The following SCFD2 variants were observed in gnomAD, a reference collection of about 807,000 sequenced individuals.
SCFD2 encodes sec1 family domain containing 2, also known as sec1 family domain-containing protein 2.
A neutral mutation model predicts 58.9 loss-of-function variants in SCFD2; 54 were observed. That is an observed-to-expected ratio of 0.92 (90% CI 0.74 to 1.15). The LOEUF is 1.15. SCFD2 is among the 50% of genes most tolerant of loss of function. The probability of loss-of-function intolerance (pLI) is 0.00; values close to 1 mark genes in which losing one functional copy is unlikely to be tolerated. For missense variants in SCFD2, 805 were observed against 836.6 expected, an observed-to-expected ratio of 0.96 and a Z score of 0.47; for synonymous variants, 321 against 335.9, an observed-to-expected ratio of 0.96 and a Z score of 0.49.
Position 52,873,774 on chromosome 4 carries a change from T to C in SCFD2, c.*195A>G. ...GCCTTCAGGAAAATAAAAAAACTTT[T>C]TTTTTTTTTTTTTAAGAATCACAGC... On this transcript the variant is annotated 3_prime_UTR_variant, in exon 9 of 9. Coordinates refer to ENST00000401642, the MANE Select transcript of SCFD2 (RefSeq NM_152540.4). 2.3e-6 allele frequency: 1 copy of C among 437,192 alleles called. No homozygotes were observed. The highest frequency in any genetic ancestry group is 4.1e-6 in the Non-Finnish European group (1 of 245,768). 27.1% of individuals were successfully genotyped at this position (437,192 alleles called of 1,614,324 possible). A position where few individuals can be genotyped will look rare whatever the true frequency, so the allele number is the denominator to read the frequency against.
chr4:53,074,779 G>T (rs1024962631), intron 5 of SCFD2, among the ~76,000 whole-genome samples: 1 of 152,146 alleles, frequency 6.6e-6, no homozygotes, highest in Non-Finnish European at 1.5e-5. Context: ...AGTAAGCCAC[G>T]CTGTAAACAG....
chr4:53,144,369 A>G (rs1345120982), intron 5 of SCFD2, among the ~76,000 whole-genome samples: 4 of 150,528 alleles, frequency 2.7e-5, no homozygotes, highest in African/African-American at 9.7e-5. Context: ...TTATATATAC[A>G]CACGTGTGTG....
chr4:53,189,321 A>C (rs1276870797), intron 4 of SCFD2, among the ~76,000 whole-genome samples: 2 of 152,216 alleles, frequency 1.3e-5, no homozygotes, highest in Non-Finnish European at 2.9e-5. Flanking sequence ...GCTATTCATC[A>C]CCATCTGATT....
At chr4:53,084,115 C>T (rs541829922) in intron 5 of SCFD2, among the ~76,000 whole-genome samples, 3 of 152,130 alleles carry the variant, frequency 2.0e-5, no homozygotes, top group Non-Finnish European at 4.4e-5. Flanking sequence ...TTTCCCCACC[C>T]TAGTAAGCCT....
At chr4:53,031,278 T>C (rs961261492) in intron 5 of SCFD2, among the ~76,000 whole-genome samples, 1 of 152,176 alleles carries the variant, frequency 6.6e-6, no homozygotes, top group African/African-American at 2.4e-5. Context: ...ATACCAAAGA[T>C]AGCTAAATCC....
chr4:53,232,947 G>A (rs928636664), intron 4 of SCFD2, among the ~76,000 whole-genome samples: 6 of 152,054 alleles, frequency 3.9e-5, no homozygotes, highest in South Asian at 2.1e-4. Context: ...AAATCCATGC[G>A]CTAGCCCAAC....
intron 3 of SCFD2, among the ~76,000 whole-genome samples, chr4:53,283,485 C>T (rs1363916508): frequency 6.6e-6 from 1 of 152,136 alleles, no homozygotes; most frequent in Non-Finnish European, 1.5e-5. Flanking sequence ...AGGTTTGGAA[C>T]TATTGGATGG....
At chr4:52,917,228 A>G (rs183761663) in intron 6 of SCFD2, among the ~76,000 whole-genome samples, 70 of 152,274 alleles carry the variant, frequency 4.6e-4, no homozygotes, top group Admixed American at 4.6e-3. Context: ...TTTTATACGT[A>G]TTAATTCACC....
At chr4:52,975,689 T>G (rs1457006817) in intron 5 of SCFD2, among the ~76,000 whole-genome samples, 1 of 152,102 alleles carries the variant, frequency 6.6e-6, no homozygotes, top group Non-Finnish European at 1.5e-5. Context: ...ACCCAAAGGA[T>G]TATAAATCAT....
intron 4 of SCFD2, among the ~76,000 whole-genome samples, chr4:53,219,342 GC>G (rs1388738892): frequency 1.3e-5 from 2 of 152,176 alleles, no homozygotes; most frequent in Non-Finnish European, 2.9e-5. Flanking sequence ...AATGGCGGGC[GC>G]CCCTCCCCCA....
At chr4:52,903,670 G>T (rs1719277265) in intron 7 of SCFD2, among the ~76,000 whole-genome samples, 1 of 152,136 alleles carries the variant, frequency 6.6e-6, no homozygotes. Context: ...ACATTCTTTT[G>T]ATAAATAAGA....
At chr4:53,348,979 C>T (rs1452968859) in intron 2 of SCFD2, among the ~76,000 whole-genome samples, 3 of 152,110 alleles carry the variant, frequency 2.0e-5, no homozygotes, top group Non-Finnish European at 2.9e-5. Context: ...TCTGGGCCTC[C>T]CAAAGTGCTG....
At chr4:53,125,373 G>A (rs780693067) in intron 5 of SCFD2, among the ~76,000 whole-genome samples, 6 of 152,098 alleles carry the variant, frequency 3.9e-5, no homozygotes, top group South Asian at 2.1e-4. Context: ...AGATCATTTC[G>A]GTTATAATAT....
At chr4:53,317,266 T>G (rs1275670505) in intron 2 of SCFD2, among the ~76,000 whole-genome samples, 2 of 152,236 alleles carry the variant, frequency 1.3e-5, no homozygotes, top group African/African-American at 4.8e-5. Flanking sequence ...ATTAAGGTTC[T>G]CTGAATAATT....
chr4:53,248,900 C>T (rs553597798), intron 4 of SCFD2, among the ~76,000 whole-genome samples: 8 of 152,216 alleles, frequency 5.3e-5, no homozygotes, highest in Non-Finnish European at 1.2e-4. Flanking sequence ...CAGAGCGCCT[C>T]TCCTCCTCCA....
chr4:52,952,162 T>C (rs1302292555), intron 5 of SCFD2, among the ~76,000 whole-genome samples: 2 of 150,876 alleles, frequency 1.3e-5, no homozygotes, highest in African/African-American at 5.0e-5. Flanking sequence ...ACTTCTACTT[T>C]CTCTCTGTTC....
intron 6 of SCFD2, among the ~76,000 whole-genome samples, chr4:52,914,448 T>C (rs558132437): frequency 1.3e-5 from 2 of 152,316 alleles, no homozygotes; most frequent in East Asian, 3.9e-4. Flanking sequence ...GCTGTCACCT[T>C]GAAACCAGTC....
At chr4:53,312,811 G>A (rs949923964) in intron 3 of SCFD2, among the ~76,000 whole-genome samples, 15 of 152,128 alleles carry the variant, frequency 9.9e-5, no homozygotes, top group African/African-American at 3.4e-4. Flanking sequence ...CAGATTATAA[G>A]AGAGAAACCT....
At chr4:53,038,883 A>C (rs144725029) in intron 5 of SCFD2, among the ~76,000 whole-genome samples, 69 of 152,084 alleles carry the variant, frequency 4.5e-4, no homozygotes, top group Non-Finnish European at 8.7e-4. Context: ...GAGATGGTGG[A>C]TCTCACTTTG....
Sources: allele counts gnomAD v4.1 joint callset (sites outside exome capture counted in the v4.1 genomes callset), GRCh38; gene constraint gnomAD v4.1.1; transcripts MANE v1.5; gene names NCBI Gene and HGNC (gene_info 2026-07-23, HGNC 2026-07-21).